The following SH3PXD2B variants were observed in gnomAD, a reference collection of about 807,000 sequenced individuals.
SH3PXD2B encodes SH3 and PX domain-containing protein 2B.
A neutral mutation model predicts 73.1 loss-of-function variants in SH3PXD2B; 37 were observed. That is an observed-to-expected ratio of 0.51 (90% CI 0.39 to 0.67). The LOEUF is 0.67. Ranked by LOEUF, SH3PXD2B falls within the 30% of genes least tolerant of loss-of-function variation. The pLI, the probability that SH3PXD2B is intolerant of heterozygous loss-of-function variation, is 0.00. For synonymous variants in SH3PXD2B, 457 were observed against 480.5 expected (o/e 0.95, Z 0.64); for missense variants, 1,053 against 1,197.8 (o/e 0.88, Z 1.78).
At chr5:172,424,051 G>A (rs868762978) in intron 1 of SH3PXD2B, among the ~76,000 whole-genome samples, 2 of 152,204 alleles carry the variant, frequency 1.3e-5, no homozygotes, top group East Asian at 1.9e-4. Context: ...CACTGGGGGT[G>A]GGGGGGAGCC....
chr5:172,387,934 G>A (rs928028894), intron 4 of SH3PXD2B, among the ~76,000 whole-genome samples: 4 of 152,052 alleles, frequency 2.6e-5, no homozygotes, highest in African/African-American at 9.7e-5. Flanking sequence ...TTACATTTAT[G>A]TCTTTAATTT....
rs144424788 is a variant in SH3PXD2B, at chr5:172,339,702, C to T, written c.1403G>A (p.Arg468Gln). 232 of 1,614,208 alleles carry T rather than the reference C, an allele frequency of 1.4e-4. No homozygotes were observed. The East Asian group carries it at 1.5e-3, about 11-fold the overall frequency. Residue 468 changes from arginine (R) to glutamine (Q), a missense_variant, in exon 13 of 13, where the codon CGG (arginine) becomes CAG (glutamine). Arg to Gln is a conservative substitution (Grantham distance 43, BLOSUM62 1). This residue lies in a region of SH3PXD2B where 587 missense variants were observed against 590.7 expected (regional missense o/e 0.99). Coordinates refer to ENST00000311601, the MANE Select transcript of SH3PXD2B (RefSeq NM_001017995.3). The surrounding 1 kb of genome is among the most constrained non-coding windows in gnomAD (Gnocchi z 6.1). ...ACCATGCGGTGCGTCAGGCAGGGGC[C>T]GGGAGGGGCCCGTGGCTTCGCTGCC... Reference protein sequence around the residue: ...NTGSEATGPSRPLPDAPHGVM... With the variant: ...NTGSEATGPSQPLPDAPHGVM...
At chr5:172,403,792 G>A (rs182733914) in intron 3 of SH3PXD2B, among the ~76,000 whole-genome samples, 1 of 152,204 alleles carries the variant, frequency 6.6e-6, no homozygotes, top group Non-Finnish European at 1.5e-5. Context: ...ATTTAAGGAG[G>A]ACTCTAACAT....
chr5:172,338,159 C>T lies in SH3PXD2B; in HGVS notation c.*210G>A, dbSNP rs1431318703. The T allele has an allele frequency of 1.4e-6, 2 of 1,451,554 alleles. No homozygotes were observed. Among genetic ancestry groups the T allele is most frequent in the East Asian group, 5.0e-5 (2 of 40,002 alleles). The allele number at this position is 1,451,554 out of a possible 1,614,324, so 89.9% of individuals were successfully genotyped here. On this transcript the variant is annotated 3_prime_UTR_variant, in exon 13 of 13. Coordinates refer to ENST00000311601, the MANE Select transcript of SH3PXD2B (RefSeq NM_001017995.3). The surrounding 1 kb of genome is among the most constrained non-coding windows in gnomAD (Gnocchi z 5.1). ...AAAGCAAAGGCTGTGGGTTCTGAGC[C>T]TCCAGTGATGCTGTGATAGGAGGGA...
chr5:172,351,300 T>C (rs776817598), intron 9 of SH3PXD2B, among the ~76,000 whole-genome samples: 1 of 152,200 alleles, frequency 6.6e-6, no homozygotes, highest in Non-Finnish European at 1.5e-5. Context: ...CAGCTATTTA[T>C]TATTTCTTGT....
chr5:172,401,635 G>C (rs1196698091), intron 3 of SH3PXD2B, among the ~76,000 whole-genome samples: 1 of 152,174 alleles, frequency 6.6e-6, no homozygotes, highest in East Asian at 1.9e-4. Context: ...CCCGAACGAA[G>C]GGACCAGCTG....
chr5:172,329,582 G>C (rs1381245269), downstream of SH3PXD2B, among the ~76,000 whole-genome samples: 2 of 123,116 alleles, frequency 1.6e-5, no homozygotes, highest in African/African-American at 3.1e-5. Context: ...CTGTCACCCA[G>C]GCTGGAGTGC....
chr5:172,338,810 TG>T lies in SH3PXD2B; in HGVS notation c.2294del (p.Pro765GlnfsTer86). On this transcript the variant is annotated frameshift_variant, in exon 13 of 13. Transcript: ENST00000311601. LOFTEE classifies it low-confidence loss of function (END_TRUNC). This position sits in a 1 kb window ranked among gnomAD's most constrained non-coding sequence, Gnocchi z 5.1. ...GCCTGGATGACGAAGAGGTTTTCTT[TG>T]GGGGAGGTGGTCTGCGGGGTGGGAC... ...PVVPPRRPPP[P>X]KKTSSSSRPL... The T allele has an allele frequency of 6.2e-7, 1 of 1,614,058 alleles. No homozygotes were observed. Among genetic ancestry groups the T allele is most frequent in the Non-Finnish European group, 8.5e-7 (1 of 1,179,982 alleles).
chr5:172,447,868 G>A (rs1224895247), intron 1 of SH3PXD2B, among the ~76,000 whole-genome samples: 1 of 151,832 alleles, frequency 6.6e-6, no homozygotes, highest in Non-Finnish European at 1.5e-5. Context: ...TGAGGGGCTG[G>A]TGCATTGCAC....
Position 172,386,073 on chromosome 5 carries a change from G to A in SH3PXD2B, c.310-3946C>T, listed in dbSNP as rs916083058. Among the ~76,000 whole-genome samples the A allele has an allele frequency of 2.4e-4, 37 of 152,180 alleles. 1 individual carries two copies. Among genetic ancestry groups the A allele is most frequent in the Admixed American group, 6.5e-5 (1 of 15,278 alleles). On this transcript the variant is annotated intron_variant, in intron 4 of 12. Coordinates refer to ENST00000311601, the MANE Select transcript of SH3PXD2B (RefSeq NM_001017995.3). Reference sequence around the variant, plus strand: ...GAGGAGAGCAAGTCCTGCTTGCAGAGGGTAACAATAAAGGTCAGAGAGAAC... The same window carrying A: ...GAGGAGAGCAAGTCCTGCTTGCAGAAGGTAACAATAAAGGTCAGAGAGAAC...
intron 5 of SH3PXD2B, 85 bp downstream of exon 5, chr5:172,381,951 G>T: frequency 9.3e-7 from 1 of 1,072,872 alleles, no homozygotes; most frequent in Non-Finnish European, 1.4e-6. Context: ...ACTTTTGGCT[G>T]CACTTTGCTT....
rs1581257043 is a variant in SH3PXD2B, at chr5:172,337,221, G to A, written c.*1148C>T. On this transcript the variant is annotated 3_prime_UTR_variant, in exon 13 of 13. Coordinates refer to ENST00000311601, the MANE Select transcript of SH3PXD2B (RefSeq NM_001017995.3). ...TGGGCTGGAGGGATGGTGGGTGTGG[G>A]AGCAGCCACGAATGCCCCCTCACCC... is the stretch of plus-strand genomic sequence containing the variant. The A allele has an allele frequency of 9.1e-6, 9 of 985,594 alleles. No homozygotes were observed. Among genetic ancestry groups the A allele is most frequent in the Non-Finnish European group, 9.6e-6 (8 of 830,068 alleles). The allele number at this position is 985,594 out of a possible 1,614,324, so 61.1% of individuals were successfully genotyped here. A position where few individuals can be genotyped will look rare whatever the true frequency, so the allele number is the denominator to read the frequency against.
At chr5:172,439,070 CTCTACTAAAAATACAAAAAT>C (rs565299761) in intron 1 of SH3PXD2B, among the ~76,000 whole-genome samples, 1,798 of 151,636 alleles carry the variant, frequency 0.012, 28 homozygotes, top group Middle Eastern at 0.034. Context: ...GAAACCCCGT[CTCTACTAAAAATACAAAAAT>C]TAGCCGGCCT....
Position 172,358,754 on chromosome 5 carries a change from G to A in SH3PXD2B, c.667+19C>T, listed in dbSNP as rs1757335422. On this transcript the variant is annotated intron_variant, in intron 8 of 12. Transcript: ENST00000311601. ...GCACAGGTCCTCCCCAGTGAGCAGAGGCTCGAGCTCCTCCCTACCTTCTTC... is the reference window on the plus strand; with the variant it reads ...GCACAGGTCCTCCCCAGTGAGCAGAAGCTCGAGCTCCTCCCTACCTTCTTC... 1.2e-6 allele frequency: 2 copies of A among 1,602,266 alleles called. No individual in the cohort carries two copies. The highest frequency in any genetic ancestry group is 1.7e-6 in the Non-Finnish European group (2 of 1,174,110).
intron 12 of SH3PXD2B, among the ~76,000 whole-genome samples, chr5:172,345,074 G>GAAAACA: frequency 6.6e-6 from 1 of 150,878 alleles, no homozygotes; most frequent in Admixed American, 6.6e-5. Context: ...AAGGAGGAAG[G>GAAAACA]AAGGAGGGAG....
At position 172,395,541 on chromosome 5, in the gene SH3PXD2B, G is replaced by T. The variant is rs1228604680; in HGVS notation, c.233-902C>A. On this transcript the variant is annotated intron_variant, in intron 3 of 12. Transcript: ENST00000311601. ...AGGAAAACACGGGTATATACATGAT[G>T]CCACTGAAGATCTCTGGAAATATCC... 3.9e-5 allele frequency among the ~76,000 whole-genome samples: 6 copies of T among 152,330 alleles called. No homozygotes were observed. The East Asian group carries it at 9.7e-4, about 25-fold the overall frequency.
intron 4 of SH3PXD2B, among the ~76,000 whole-genome samples, chr5:172,385,451 C>T (rs1561916496): frequency 6.6e-6 from 1 of 152,220 alleles, no homozygotes; most frequent in Non-Finnish European, 1.5e-5. Context: ...GAAAGGCTGA[C>T]TGCAAACCTC....
At chr5:172,406,487 C>T (rs748741768) in intron 2 of SH3PXD2B, 135 bp from the exon 3 acceptor site, 10 of 996,848 alleles carry the variant, frequency 1.0e-5, no homozygotes, top group East Asian at 5.3e-5. Flanking sequence ...TTCCAGAAAC[C>T]CAAACTAATG....
intron 1 of SH3PXD2B, among the ~76,000 whole-genome samples, chr5:172,444,191 C>A (rs948929427): frequency 6.6e-6 from 1 of 152,184 alleles, no homozygotes; most frequent in African/African-American, 2.4e-5. Flanking sequence ...CAGTCAGAGT[C>A]TCTCCTGGAT....
Sources: gnomAD v4.1 joint callset for allele counts (sites outside exome capture counted in the v4.1 genomes callset) on GRCh38, gnomAD v4.1.1 for gene constraint, gnomAD v4.1.1 regional missense constraint, Gnocchi (gnomAD v3.1) non-coding constraint, MANE v1.5 for transcripts, NCBI Gene and HGNC (gene_info 2026-07-23, HGNC 2026-07-21) for gene names.